The following PCIF1 variants were observed in gnomAD, a reference collection of about 807,000 sequenced individuals.
PCIF1 encodes the protein phosphorylated CTD interacting factor 1, also known as mRNA (2'-O-methyladenosine-N(6)-)-methyltransferase.
In PCIF1, 12 loss-of-function variants were observed where a neutral mutation model predicts 86.9. The observed-to-expected ratio is 0.14, with a 90% CI of 0.09 to 0.22. PCIF1 has a LOEUF of 0.22. Among genes scored for constraint, PCIF1 ranks in the 10% least tolerant of loss-of-function variants. The probability of loss-of-function intolerance (pLI) is 1.00; values close to 1 mark genes in which losing one functional copy is unlikely to be tolerated. For synonymous variants in PCIF1, 397 were observed against 372.0 expected (o/e 1.07, Z -0.77); for missense variants, 701 against 951.1 (o/e 0.74, Z 3.46).
In PCIF1 at chr20:45,944,912, G is replaced by C; in HGVS notation, c.1050G>C (p.Ser350=). The change falls in exon 11 of 17, where the codon TCG becomes TCC. Residue 350 remains serine, a synonymous_variant. Transcript: ENST00000372409. ...HLRRQCGPHV[S]AAAKDSVEGI... ...GGAGGCAGTGTGGCCCCCACGTCTC[G>C]GCCGCAGCCAAGGACTCCGTGGAAG... The C allele has an allele frequency of 6.2e-7, 1 of 1,614,092 alleles. No individual in the cohort carries two copies. The highest frequency in any genetic ancestry group is 8.5e-7 in the Non-Finnish European group (1 of 1,180,002).
chr20:45,941,047 C>A lies in PCIF1; in HGVS notation c.519-6C>A, dbSNP rs1214964001. ...ACATCCTCATCACTCCTCTCTGTGC[C>A]CCAAGGGTCTACTGGGACCTGGACA... On this transcript the variant is annotated splice_polypyrimidine_tract_variant and splice_region_variant and intron_variant, in intron 6 of 16. Transcript: ENST00000372409. 2 of 1,614,164 alleles carry A rather than the reference C, an allele frequency of 1.2e-6. No individual in the cohort carries two copies. Among genetic ancestry groups the A allele is most frequent in the Non-Finnish European group, 1.7e-6 (2 of 1,180,036 alleles).
In PCIF1 at chr20:45,945,688, C is replaced by G. The variant is rs780984315; in HGVS notation, c.1169-23C>G. On this transcript the variant is annotated intron_variant, in intron 11 of 16. Coordinates refer to ENST00000372409, the MANE Select transcript of PCIF1 (RefSeq NM_022104.4). ...AGCGTGAGAATGAGGAGTGTGGTCC[C>G]TCACTGCTCTCCCTGCCCACAGAGG... 1.9e-6 allele frequency: 3 copies of G among 1,608,092 alleles called. No individual in the cohort carries two copies. The South Asian group carries it at 3.3e-5, about 18-fold the overall frequency.
chr20:45,942,703 C>T (rs1036479230), intron 7 of PCIF1, among the ~76,000 whole-genome samples: 2 of 151,880 alleles, frequency 1.3e-5, no homozygotes, highest in East Asian at 3.9e-4. Context: ...CAGCTTCAGC[C>T]ACCCGGGTTC....
rs375176035 is a variant in PCIF1 at position 45,934,766 on chromosome 20, G to T, written c.-226G>T. On this transcript the variant is annotated 5_prime_UTR_variant, in exon 1 of 17. Transcript: ENST00000372409. Reference sequence around the variant, plus strand: ...AGGCGGCAAAACGGGCGGTCGAGCAGAACGTGTAGCCGCGTCCCCTCCAGT... The same window carrying T: ...AGGCGGCAAAACGGGCGGTCGAGCATAACGTGTAGCCGCGTCCCCTCCAGT... The T allele has an allele frequency of 5.0e-6, 2 of 398,580 alleles. No homozygotes were observed. Among genetic ancestry groups the T allele is most frequent in the Non-Finnish European group, 4.4e-6 (1 of 226,044 alleles). 24.7% of individuals were successfully genotyped at this position (398,580 alleles called of 1,614,324 possible).
chr20:45,941,255 C>T, intron 7 of PCIF1, 48 bp downstream of exon 7: 1 of 1,550,408 alleles, frequency 6.4e-7, no homozygotes, highest in South Asian at 1.2e-5. Context: ...CCACCTTTAG[C>T]ATGAGCCAGG....
At position 45,947,656 on chromosome 20, in the gene PCIF1, C is replaced by A. The variant is rs1262637650; in HGVS notation, c.2016C>A (p.Arg672=). 6.2e-7 allele frequency: 1 copy of A among 1,612,646 alleles called. No homozygotes were observed. Among genetic ancestry groups the A allele is most frequent in the Admixed American group, 1.7e-5 (1 of 60,026 alleles). The part of the protein sequence containing the change: ...ELSAAYRQSG[R]SHSSGSSSSS... The stretch of plus-strand genomic sequence containing the variant: ...GTGCTGCCTACCGGCAGTCAGGCCG[C>A]AGCCACAGCTCTGGTTCTTCCTCAT... Residue 672 remains arginine, a synonymous_variant, in exon 17 of 17, where the codon CGC becomes CGA. Transcript: ENST00000372409. The surrounding 1 kb of genome is among the most constrained non-coding windows in gnomAD (Gnocchi z 5.4).
Position 45,943,609 on chromosome 20 carries a change from G to C in PCIF1, c.906-57G>C. On this transcript the variant is annotated intron_variant, in intron 9 of 16. Transcript: ENST00000372409. The surrounding 1 kb of genome is among the most constrained non-coding windows in gnomAD (Gnocchi z 5.5). ...GATACCCAGCGAGCCCATGGAATTG[G>C]GATGAGGAGGGTGGAGCCAAGCCAT... 1 of 1,493,234 alleles carries C rather than the reference G, an allele frequency of 6.7e-7. No individual in the cohort carries two copies. Among genetic ancestry groups the C allele is most frequent in the Non-Finnish European group, 9.1e-7 (1 of 1,095,110 alleles). 92.5% of individuals were successfully genotyped at this position (1,493,234 alleles called of 1,614,324 possible). A position where few individuals can be genotyped will look rare whatever the true frequency, so the allele number is the denominator to read the frequency against.
At position 45,947,608 on chromosome 20, in the gene PCIF1, G is replaced by A. The variant is rs61999309; in HGVS notation, c.1968G>A (p.Thr656=). 1,787 of 1,613,054 alleles carry A rather than the reference G, an allele frequency of 1.1e-3. 19 individuals are homozygous for A. In the African/African-American group the frequency reaches 0.02, roughly 18 times the overall value. ...NDPGFAKWAP[T]PERLQELSAA... ...CTGGCTTTGCCAAGTGGGCGCCGAC[G>A]CCTGAACGGCTGCAGGAGCTGAGTG... Residue 656 remains threonine, a synonymous_variant, in exon 17 of 17, where the codon ACG becomes ACA. Transcript: ENST00000372409. The surrounding 1 kb of genome is among the most constrained non-coding windows in gnomAD (Gnocchi z 5.4).
At position 45,945,795 on chromosome 20, in the gene PCIF1, G is replaced by A. The variant is rs764387553; in HGVS notation, c.1253G>A (p.Ser418Asn). ...GCTGTGTCTGCACCGCCCATGCCCA[G>A]CGTGGAGATGCACATGGAGAACAAC... ...RLAVSAPPMP[S>N]VEMHMENNVV... The change falls in exon 12 of 17, where the codon AGC becomes AAC. Residue 418 changes from serine to asparagine, a missense_variant. Physicochemically the swap from Ser to Asn is conservative, Grantham distance 46. Coordinates refer to ENST00000372409, the MANE Select transcript of PCIF1 (RefSeq NM_022104.4). 21 of 1,613,920 alleles carry A rather than the reference G, an allele frequency of 1.3e-5. No homozygotes were observed. The highest frequency in any genetic ancestry group is 1.7e-5 in the Non-Finnish European group (20 of 1,180,036).
rs188509769 is a variant in PCIF1 at position 45,940,563 on chromosome 20, G to A, written c.338G>A (p.Arg113Gln). Reference sequence around the variant, plus strand: ...CCGGCTGAGAACAAGCCCAGAAAGCGGCAGCTCTCGGAAGAGCAGCCAAGC... The same window carrying A: ...CCGGCTGAGAACAAGCCCAGAAAGCAGCAGCTCTCGGAAGAGCAGCCAAGC... ...TPPAENKPRK[R>Q]QLSEEQPSGN... Residue 113 changes from arginine to glutamine, a missense_variant, in exon 5 of 17, where the codon CGG becomes CAG. Around this residue, in one of 7 missense-constraint regions of PCIF1, gnomAD observed 125 missense variants for 126.8 expected, o/e 0.99. Coordinates refer to ENST00000372409, the MANE Select transcript of PCIF1 (RefSeq NM_022104.4). 1,168 of 1,609,264 alleles carry A rather than the reference G, an allele frequency of 7.3e-4. 3 individuals carry two copies. Among genetic ancestry groups the A allele is most frequent in the Non-Finnish European group, 7.3e-4 (856 of 1,177,734 alleles).
At chr20:45,942,677 C>T (rs114968957) in intron 7 of PCIF1, among the ~76,000 whole-genome samples, 1,702 of 151,410 alleles carry the variant, frequency 0.011, 34 homozygotes, top group African/African-American at 0.039. Context: ...TGCAGTGGCA[C>T]GACCACAGCT....
At chr20:45,941,463 A>T (rs1438434065) in intron 7 of PCIF1, among the ~76,000 whole-genome samples, 2 of 151,874 alleles carry the variant, frequency 1.3e-5, no homozygotes, top group Non-Finnish European at 2.9e-5. Context: ...TTATTTATTT[A>T]TTTTTTTTGA....
chr20:45,935,327 C>T, intron 1 of PCIF1, among the ~76,000 whole-genome samples: 1 of 152,196 alleles, frequency 6.6e-6, no homozygotes, highest in Non-Finnish European at 1.5e-5. Context: ...TGGTCCCGCC[C>T]CACGTGCCTC....
At chr20:45,945,326 C>G (rs1020131527) in intron 11 of PCIF1, among the ~76,000 whole-genome samples, 11 of 152,230 alleles carry the variant, frequency 7.2e-5, no homozygotes, top group African/African-American at 2.2e-4. Context: ...TGTGAGTACT[C>G]ATAGGTAACT....
chr20:45,946,886 CCTCA>C (rs768148768), intron 14 of PCIF1, among the ~76,000 whole-genome samples, 183 bp from the exon 15 acceptor site: 1 of 152,198 alleles, frequency 6.6e-6, no homozygotes, highest in Non-Finnish European at 1.5e-5. Flanking sequence ...CCAGCCTGAG[CCTCA>C]CTCACTGTCC....
chr20:45,945,099 T>TCTATACCCTGATGGAAGGGACAAGG lies in PCIF1; in HGVS notation c.1168+69_1168+70insCTATACCCTGATGGAAGGGACAAGG, dbSNP rs2083510849. The TCTATACCCTGATGGAAGGGACAAGG allele has an allele frequency of 1.1e-5, 16 of 1,485,946 alleles. No individual in the cohort carries two copies. The South Asian group carries it at 1.9e-4, about 18-fold the overall frequency. 92.0% of individuals were successfully genotyped at this position (1,485,946 alleles called of 1,614,324 possible). A position where few individuals can be genotyped will look rare whatever the true frequency, so the allele number is the denominator to read the frequency against. ...TCTATACCCTGATGGAAGGGACAAG[T>TCTATACCCTGATGGAAGGGACAAGG]GAGACTGAGCCTCAAGGCCAGGGAC... On this transcript the variant is annotated intron_variant, in intron 11 of 16. Transcript: ENST00000372409.
intron 1 of PCIF1, 86 bp downstream of exon 1, chr20:45,934,890 G>C: frequency 2.5e-6 from 1 of 397,684 alleles, no homozygotes; most frequent in East Asian, 3.6e-5. Context: ...CCCCTCCGGC[G>C]CTTTCTGCTC....
chr20:45,934,911 C>G (rs2083403397), intron 1 of PCIF1, 107 bp downstream of exon 1: 2 of 397,016 alleles, frequency 5.0e-6, no homozygotes, highest in Middle Eastern at 6.3e-4. Context: ...GGGACTGCCG[C>G]TTGCCCTGTC....
Position 45,943,532 on chromosome 20 carries a change from G to A in PCIF1, c.905+109G>A. On this transcript the variant is annotated intron_variant, in intron 9 of 16. Coordinates refer to ENST00000372409, the MANE Select transcript of PCIF1 (RefSeq NM_022104.4). The surrounding 1 kb of genome is among the most constrained non-coding windows in gnomAD (Gnocchi z 5.5). Reference sequence around the variant, plus strand: ...GCTGTCATTGCTCTCGGTGGCAGAAGTGGGGCCAGCTCCCAAAGGCAGAAC... The same window carrying A: ...GCTGTCATTGCTCTCGGTGGCAGAAATGGGGCCAGCTCCCAAAGGCAGAAC... The A allele has an allele frequency of 2.2e-6, 3 of 1,350,532 alleles. No homozygotes were observed. Among genetic ancestry groups the A allele is most frequent in the Non-Finnish European group, 3.1e-6 (3 of 972,342 alleles). The allele number at this position is 1,350,532 out of a possible 1,614,324, so 83.7% of individuals were successfully genotyped here.
Sources: gnomAD v4.1 joint callset for allele counts (sites outside exome capture counted in the v4.1 genomes callset) on GRCh38, gnomAD v4.1.1 for gene constraint, gnomAD v4.1.1 regional missense constraint, Gnocchi (gnomAD v3.1) non-coding constraint, MANE v1.5 for transcripts, NCBI Gene and HGNC (gene_info 2026-07-23, HGNC 2026-07-21) for gene names.